SARDH: variants seen among roughly 807,000 people sequenced by gnomAD.
SARDH encodes sarcosine dehydrogenase, also known as sarcosine dehydrogenase, mitochondrial.
A neutral mutation model predicts 109.1 loss-of-function variants in SARDH; 95 were observed. That is an observed-to-expected ratio of 0.87 (90% confidence interval 0.74 to 1.03). SARDH has a LOEUF of 1.03. SARDH is among the 50% of genes least tolerant of loss of function. SARDH has a pLI of 0.00. For missense variants in SARDH, 1,267 were observed against 1,287.8 expected, an observed-to-expected ratio of 0.98 and a Z score of 0.25; for synonymous variants, 572 against 534.8, an observed-to-expected ratio of 1.07 and a Z score of -0.96.
At chr9:133,688,979 T>G (rs1383957208) in intron 16 of SARDH, among the ~76,000 whole-genome samples, 2 of 152,176 alleles carry the variant, frequency 1.3e-5, no homozygotes, top group African/African-American at 4.8e-5. Context: ...CAGCAACAGC[T>G]CGGTCCCTTG....
intron 18 of SARDH, among the ~76,000 whole-genome samples, chr9:133,670,972 T>C (rs967018079): frequency 1.3e-5 from 2 of 152,130 alleles, no homozygotes; most frequent in African/African-American, 4.8e-5. Flanking sequence ...TGCAGCCCTC[T>C]GCACCCTCAG....
rs1831623327 is a variant in SARDH at position 133,704,774 on chromosome 9, C to A, written c.1554+174G>T. 6.6e-6 allele frequency among the ~76,000 whole-genome samples: 1 copy of A among 152,142 alleles called. No individual in the cohort carries two copies. The highest frequency in any genetic ancestry group is 2.4e-5 in the African/African-American group (1 of 41,416). ...TGAACGGCACAAAGAATGCACTGAG[C>A]CTTGGGGGCAGGTCGGCAGGGCTCG... On this transcript the variant is annotated intron_variant, in intron 12 of 20. Coordinates refer to ENST00000439388, the MANE Select transcript of SARDH (RefSeq NM_001134707.2). The surrounding 1 kb of genome is among the most constrained non-coding windows in gnomAD (Gnocchi z 4.5).
chr9:133,716,396 G>A (rs1832123518), intron 8 of SARDH, among the ~76,000 whole-genome samples: 1 of 152,236 alleles, frequency 6.6e-6, no homozygotes, highest in Non-Finnish European at 1.5e-5. Flanking sequence ...CTCAACTCAG[G>A]GACGTCTGGC....
intron 20 of SARDH, among the ~76,000 whole-genome samples, chr9:133,664,754 A>C (rs1830003535): frequency 6.6e-6 from 1 of 152,126 alleles, no homozygotes; most frequent in Admixed American, 6.5e-5. Flanking sequence ...AAAAAAATAA[A>C]AAACAAACCA....
downstream of SARDH, among the ~76,000 whole-genome samples, chr9:133,663,321 G>C (rs1326274312): frequency 6.6e-6 from 1 of 152,270 alleles, no homozygotes; most frequent in Admixed American, 6.5e-5. Flanking sequence ...AGAACAGGGA[G>C]GTCGAGCAAG....
chr9:133,734,162 C>T lies in SARDH; in HGVS notation c.12G>A (p.Leu4=). 6.3e-7 allele frequency: 1 copy of T among 1,593,486 alleles called. No individual in the cohort carries two copies. Among genetic ancestry groups the T allele is most frequent in the Non-Finnish European group, 8.5e-7 (1 of 1,170,536 alleles). Residue 4 remains leucine, a synonymous_variant, in exon 2 of 21, where the codon CTG becomes CTA. Coordinates refer to ENST00000439388, the MANE Select transcript of SARDH (RefSeq NM_001134707.2). The part of the protein sequence containing the change: MAS[L]SRALRVAAAH... The stretch of plus-strand genomic sequence containing the variant: ...CAGCAGCCACACGTAGGGCTCGGCT[C>T]AGTGAGGCCATGGGGGCTCCAGGCC...
intron 6 of SARDH, among the ~76,000 whole-genome samples, chr9:133,727,718 T>C (rs951842854): frequency 7.3e-6 from 1 of 136,224 alleles, no homozygotes; most frequent in African/African-American, 2.5e-5. Flanking sequence ...CCTTTTCCTG[T>C]GCTCCGGTAC....
At position 133,704,975 on chromosome 9, in the gene SARDH, TC is replaced by T. The variant is rs1564273084; in HGVS notation, c.1526del (p.Gly509AspfsTer113). 1 of 1,583,926 alleles carries T rather than the reference TC, an allele frequency of 6.3e-7. No homozygotes were observed. The highest frequency in any genetic ancestry group is 2.3e-5 in the East Asian group (1 of 43,752). ...FQERHGWERPGWFHPRGPAPV... is the reference protein window; with the variant it reads ...FQERHGWERPXWFHPRGPAPV... ...GAGCTGGGCCTCGGGGATGAAACCATCCCGGTCGCTCCCAGCCATGCCGCTC... is the reference window on the plus strand; with the variant it reads ...GAGCTGGGCCTCGGGGATGAAACCATCCGGTCGCTCCCAGCCATGCCGCTC... On this transcript the variant is annotated frameshift_variant, in exon 12 of 21. Coordinates refer to ENST00000439388, the MANE Select transcript of SARDH (RefSeq NM_001134707.2). LOFTEE classifies it high-confidence loss of function. The surrounding 1 kb of genome is among the most constrained non-coding windows in gnomAD (Gnocchi z 4.5).
chr9:133,700,542 G>A (rs1831443698), intron 13 of SARDH, among the ~76,000 whole-genome samples: 4 of 152,112 alleles, frequency 2.6e-5, no homozygotes, highest in Admixed American at 1.3e-4. Flanking sequence ...GCCCTGGGCT[G>A]GGGATAGGGT....
chr9:133,681,658 C>T (rs537529804), intron 17 of SARDH, among the ~76,000 whole-genome samples: 8 of 152,308 alleles, frequency 5.3e-5, no homozygotes, highest in African/African-American at 1.9e-4. Context: ...AGGGAGAGGA[C>T]GAGAAGCACA....
chr9:133,728,099 T>C lies in SARDH; in HGVS notation c.915+1666A>G, dbSNP rs140827107. Among the ~76,000 whole-genome samples the C allele has an allele frequency of 7.2e-4, 109 of 152,228 alleles. No individual in the cohort carries two copies. The highest frequency in any genetic ancestry group is 2.5e-3 in the African/African-American group (105 of 41,540). ...TCAGCTCCGACACCCACCGTGTGAC[T>C]ACTCTTAGTCCCTAACCCGGCACAT... On this transcript the variant is annotated intron_variant, in intron 6 of 20. Coordinates refer to ENST00000439388, the MANE Select transcript of SARDH (RefSeq NM_001134707.2). The surrounding 1 kb of genome is among the most constrained non-coding windows in gnomAD (Gnocchi z 5.0).
intron 13 of SARDH, among the ~76,000 whole-genome samples, chr9:133,698,063 CA>C (rs1482996730): frequency 7.8e-6 from 1 of 128,770 alleles, no homozygotes; most frequent in Non-Finnish European, 1.7e-5. Context: ...TAAAATAGTT[CA>C]ACGAGGTTGC....
chr9:133,661,675 T>C (rs1162516309), downstream of SARDH, among the ~76,000 whole-genome samples: 1 of 151,996 alleles, frequency 6.6e-6, no homozygotes, highest in Non-Finnish European at 1.5e-5. Flanking sequence ...GAGATGAGAC[T>C]TCACCATATT....
chr9:133,683,903 C>A (rs963869278), intron 17 of SARDH, among the ~76,000 whole-genome samples: 1 of 152,240 alleles, frequency 6.6e-6, no homozygotes, highest in African/African-American at 2.4e-5. Flanking sequence ...CCGCCCACCC[C>A]CTCCTGAAGG....
intron 4 of SARDH, among the ~76,000 whole-genome samples, chr9:133,730,708 T>C (rs1832651219): frequency 6.6e-6 from 1 of 152,220 alleles, no homozygotes; most frequent in Middle Eastern, 3.4e-3. Context: ...CCGGGGGTGG[T>C]GGTTTACGCC....
In SARDH at chr9:133,718,400, C is replaced by T; in HGVS notation, c.1020+538G>A. On this transcript the variant is annotated intron_variant, in intron 7 of 20. Transcript: ENST00000439388. The surrounding 1 kb of genome is among the most constrained non-coding windows in gnomAD (Gnocchi z 4.2). ...TGTTTGTTTATTGTATGTCTCTCCA[C>T]CAAAATATAGGCACCCAGAGTCAGG... 2 of 412,418 alleles carry T rather than the reference C, an allele frequency of 4.8e-6. No individual in the cohort carries two copies. Among genetic ancestry groups the T allele is most frequent in the Admixed American group, 4.0e-5 (1 of 25,156 alleles). The allele number at this position is 412,418 out of a possible 1,614,324, so 25.5% of individuals were successfully genotyped here.
intron 1 of SARDH, 58 bp from the exon 2 acceptor site, chr9:133,734,261 G>C: frequency 8.2e-7 from 1 of 1,219,874 alleles, no homozygotes; most frequent in Non-Finnish European, 1.1e-6. Context: ...GGGCTGTGCT[G>C]AGTACCCAGG....
Position 133,730,231 on chromosome 9 carries a change from C to A in SARDH, c.691-44G>T, listed in dbSNP as rs374828715. On this transcript the variant is annotated intron_variant, in intron 4 of 20. Coordinates refer to ENST00000439388, the MANE Select transcript of SARDH (RefSeq NM_001134707.2). ...GCTTCTAAAATCCCACGGGACTCCCCGGGGGTGCTTCCCACCCCACTCCAA... is the reference window on the plus strand; with the variant it reads ...GCTTCTAAAATCCCACGGGACTCCCAGGGGGTGCTTCCCACCCCACTCCAA... 3.1e-6 allele frequency: 5 copies of A among 1,605,902 alleles called. No homozygotes were observed. In the African/African-American group the frequency reaches 6.7e-5, roughly 21 times the overall value.
At chr9:133,707,436 AGTCTGGGAGCC>A (rs1831731896) in intron 11 of SARDH, among the ~76,000 whole-genome samples, 1 of 152,182 alleles carries the variant, frequency 6.6e-6, no homozygotes, top group Non-Finnish European at 1.5e-5. Flanking sequence ...GGGCCAGGGC[AGTCTGGGAGCC>A]AGCCCTGTGA....
Sources: allele counts gnomAD v4.1 joint callset (sites outside exome capture counted in the v4.1 genomes callset), GRCh38; gene constraint gnomAD v4.1.1; non-coding constraint Gnocchi (gnomAD v3.1); transcripts MANE v1.5; gene names NCBI Gene and HGNC (gene_info 2026-07-23, HGNC 2026-07-21).